Variants in ZC3H12D observed in about 807,000 individuals in gnomAD.
ZC3H12D encodes the protein zinc finger CCCH-type containing 12D.
In ZC3H12D, 11 loss-of-function variants were observed where a neutral mutation model predicts 24.2. The observed-to-expected ratio is 0.46, with a 90% CI of 0.29 to 0.75. ZC3H12D has a LOEUF of 0.75. Among genes scored for constraint, ZC3H12D ranks in the 30% least tolerant of loss-of-function variants. The pLI is 0.11. For synonymous variants in ZC3H12D, 333 were observed against 341.8 expected (o/e 0.97, Z 0.28); for missense variants, 740 against 767.7 (o/e 0.96, Z 0.43).
intron 2 of ZC3H12D, among the ~76,000 whole-genome samples, chr6:149,469,098 C>T (rs1776204448): frequency 6.6e-6 from 1 of 152,162 alleles, no homozygotes; most frequent in Admixed American, 6.5e-5. Context: ...CCCGCCTTTT[C>T]TAGATTTGCC....
chr6:149,465,842 G>C (rs1776151853), intron 2 of ZC3H12D, among the ~76,000 whole-genome samples: 1 of 151,872 alleles, frequency 6.6e-6, no homozygotes, highest in Admixed American at 6.6e-5. Flanking sequence ...GATGGAAGGA[G>C]GAGGAGGTCC....
chr6:149,451,580 C>T (rs1462200647), intron 5 of ZC3H12D, 101 bp from the exon 6 acceptor site: 50 of 1,060,010 alleles, frequency 4.7e-5, no homozygotes, highest in Non-Finnish European at 1.3e-6. Flanking sequence ...GCGGCCTCTC[C>T]GTGGAGATTC....
At chr6:149,457,002 G>C (rs2115003213) in intron 3 of ZC3H12D, 102 bp from the exon 4 acceptor site, 3 of 1,132,518 alleles carry the variant, frequency 2.6e-6, no homozygotes, top group South Asian at 3.0e-5. Flanking sequence ...GGTCAGATGA[G>C]GTTTTGAGGG....
chr6:149,453,889 A>C (rs1376229927), intron 4 of ZC3H12D, among the ~76,000 whole-genome samples: 1 of 152,152 alleles, frequency 6.6e-6, no homozygotes, highest in African/African-American at 2.4e-5. Flanking sequence ...ACAAACAAAC[A>C]AAAAACAGTT....
At chr6:149,472,608 A>C (rs1776263228) in intron 2 of ZC3H12D, among the ~76,000 whole-genome samples, 1 of 152,172 alleles carries the variant, frequency 6.6e-6, no homozygotes, top group Non-Finnish European at 1.5e-5. Context: ...GTGCAAACAG[A>C]GGATGTGGCT....
chr6:149,458,580 T>A (rs1251258898), intron 3 of ZC3H12D, among the ~76,000 whole-genome samples: 1 of 152,210 alleles, frequency 6.6e-6, no homozygotes, highest in Non-Finnish European at 1.5e-5. Context: ...TAGTCCTGCA[T>A]CTAAGTCCCC....
At chr6:149,484,175 T>C (rs573475715) in intron 1 of ZC3H12D, among the ~76,000 whole-genome samples, 15 of 152,320 alleles carry the variant, frequency 9.8e-5, no homozygotes, top group Admixed American at 7.8e-4. Flanking sequence ...TTGCCTGGCC[T>C]TAGAGAAAAG....
intron 3 of ZC3H12D, among the ~76,000 whole-genome samples, chr6:149,459,156 C>A (rs539288239): frequency 6.6e-5 from 10 of 151,832 alleles, no homozygotes; most frequent in Middle Eastern, 3.4e-3. Context: ...TAAGTTTGCA[C>A]TTGTTGTGGC....
At position 149,450,646 on chromosome 6, in the gene ZC3H12D, G is replaced by C. The variant is rs1339081600; in HGVS notation, c.*37C>G. The C allele has an allele frequency of 6.8e-7, 1 of 1,470,988 alleles. No individual in the cohort carries two copies. Among genetic ancestry groups the C allele is most frequent in the African/African-American group, 1.4e-5 (1 of 71,118 alleles). The allele number at this position is 1,470,988 out of a possible 1,614,324, so 91.1% of individuals were successfully genotyped here. On this transcript the variant is annotated 3_prime_UTR_variant, in exon 6 of 6. Coordinates refer to ENST00000409806, the MANE Select transcript of ZC3H12D (RefSeq NM_207360.3). ...GGTCCACCCGTCCAAGACGCAAGGCGAGGCTGGGCCATTCCCTGCAAGTGC... is the reference window on the plus strand; with the variant it reads ...GGTCCACCCGTCCAAGACGCAAGGCCAGGCTGGGCCATTCCCTGCAAGTGC...
chr6:149,478,804 C>T (rs923734631), intron 1 of ZC3H12D, among the ~76,000 whole-genome samples: 1 of 152,116 alleles, frequency 6.6e-6, no homozygotes, highest in African/African-American at 2.4e-5. Context: ...CTCAGTCCTG[C>T]CATCTTCACC....
Position 149,446,917 on chromosome 6 carries a change from G to A in ZC3H12D, c.*3766C>T, listed in dbSNP as rs1195081155. 2 of 152,260 alleles carry A rather than the reference G, an allele frequency of 1.3e-5. No individual in the cohort carries two copies. Among genetic ancestry groups the A allele is most frequent in the Admixed American group, 1.3e-4 (2 of 15,276 alleles). 9.4% of individuals were successfully genotyped at this position (152,260 alleles called of 1,614,324 possible). A position where few individuals can be genotyped will look rare whatever the true frequency, so the allele number is the denominator to read the frequency against. On this transcript the variant is annotated 3_prime_UTR_variant, in exon 6 of 6. Transcript: ENST00000409806. ...CCAAACCCCCTTCCAGAGGCCTCTG[G>A]GAAGGCTGCCTCAGGGCAAACCCAA...
intron 1 of ZC3H12D, among the ~76,000 whole-genome samples, chr6:149,483,737 A>C (rs1487709670): frequency 2.0e-5 from 3 of 151,824 alleles, no homozygotes; most frequent in Admixed American, 1.3e-4. Flanking sequence ...TTTTGTAGAG[A>C]TGGGGGTCTC....
chr6:149,452,762 G>A lies in ZC3H12D; in HGVS notation c.681-40C>T, dbSNP rs2081012072. 6.5e-7 allele frequency: 1 copy of A among 1,532,746 alleles called. No homozygotes were observed. Among genetic ancestry groups the A allele is most frequent in the African/African-American group, 1.4e-5 (1 of 73,272 alleles). 94.9% of individuals were successfully genotyped at this position (1,532,746 alleles called of 1,614,324 possible). ...CAGGGGCAACTGCAAGACCACCTGG[G>A]ATTTGCCACCAGCACCTGTACAAAG... On this transcript the variant is annotated intron_variant, in intron 4 of 5. Transcript: ENST00000409806. This position sits in a 1 kb window ranked among gnomAD's most constrained non-coding sequence, Gnocchi z 4.0.
At chr6:149,464,925 T>G (rs1404519459) in intron 2 of ZC3H12D, among the ~76,000 whole-genome samples, 1 of 152,170 alleles carries the variant, frequency 6.6e-6, no homozygotes, top group Non-Finnish European at 1.5e-5. Flanking sequence ...ACTACGCCAC[T>G]CGTGCCTTCT....
At chr6:149,461,607 C>T (rs781353949) in intron 3 of ZC3H12D, 3 of 346,464 alleles carry the variant, frequency 8.7e-6, no homozygotes, top group African/African-American at 2.1e-5. Flanking sequence ...TATTGAACGC[C>T]TAATTTTGAA....
chr6:149,484,167 G>C (rs1776466823), intron 1 of ZC3H12D, among the ~76,000 whole-genome samples: 1 of 152,204 alleles, frequency 6.6e-6, no homozygotes, highest in South Asian at 2.1e-4. Flanking sequence ...GATTGGCATT[G>C]CCTGGCCTTA....
At chr6:149,482,889 C>T (rs1011297309) in intron 1 of ZC3H12D, among the ~76,000 whole-genome samples, 3 of 152,104 alleles carry the variant, frequency 2.0e-5, no homozygotes, top group Admixed American at 2.0e-4. Context: ...GACCAGACTC[C>T]CAAAGGTGGC....
chr6:149,462,102 G>A (rs375739947), intron 2 of ZC3H12D, 132 bp from the exon 3 acceptor site: 6 of 1,143,626 alleles, frequency 5.2e-6, no homozygotes, highest in Non-Finnish European at 1.2e-6. Context: ...GGCCAGGAGT[G>A]GTGGCTCATG....
intron 2 of ZC3H12D, among the ~76,000 whole-genome samples, chr6:149,470,977 G>T (rs1459431714): frequency 6.6e-6 from 1 of 152,172 alleles, no homozygotes; most frequent in Non-Finnish European, 1.5e-5. Context: ...CCTTTATGGG[G>T]TACAGCAAGA....
Sources: gnomAD v4.1 joint callset for allele counts (sites outside exome capture counted in the v4.1 genomes callset) on GRCh38, gnomAD v4.1.1 for gene constraint, Gnocchi (gnomAD v3.1) non-coding constraint, MANE v1.5 for transcripts, NCBI Gene and HGNC (gene_info 2026-07-23, HGNC 2026-07-21) for gene names.